ATXN8OS: variants seen among roughly 807,000 people sequenced by gnomAD.
ATXN8OS encodes the protein ATXN8 opposite strand (non-protein coding).
intron 3 of ATXN8OS, among the ~76,000 whole-genome samples, chr13:70,143,894 T>C (rs749552234): frequency 2.6e-5 from 4 of 152,178 alleles, no homozygotes; most frequent in Non-Finnish European, 5.9e-5. Context: ...TAAAATGATT[T>C]AATGATATAT....
chr13:70,136,141 T>C (rs1888610407), intron 3 of ATXN8OS, among the ~76,000 whole-genome samples: 1 of 152,182 alleles, frequency 6.6e-6, no homozygotes, highest in South Asian at 2.1e-4. Context: ...GCAAGTCTGA[T>C]CAGTTGTTTG....
At chr13:70,169,805 T>C (rs1429905454) in exon 5 of ATXN8OS, among the ~76,000 whole-genome samples, 3 of 152,118 alleles carry the variant, frequency 2.0e-5, no homozygotes, top group African/African-American at 7.2e-5. Context: ...CTACAGTCAC[T>C]GGCTGGCTAA....
chr13:70,163,106 A>C (rs2137505903), intron 4 of ATXN8OS, among the ~76,000 whole-genome samples: 1 of 152,238 alleles, frequency 6.6e-6, no homozygotes, highest in African/African-American at 2.4e-5. Flanking sequence ...ATCAATAATT[A>C]TAATAACAAT....
chr13:70,160,264 TC>T, intron 4 of ATXN8OS, among the ~76,000 whole-genome samples: 1 of 151,746 alleles, frequency 6.6e-6, no homozygotes, highest in East Asian at 1.9e-4. Flanking sequence ...TATTTGCAGC[TC>T]ATTGTTACCC....
intron 3 of ATXN8OS, among the ~76,000 whole-genome samples, chr13:70,137,251 T>G (rs1888631257): frequency 6.6e-6 from 1 of 152,210 alleles, no homozygotes; most frequent in Non-Finnish European, 1.5e-5. Context: ...ATTAAGATGT[T>G]TAGCAGCTTT....
chr13:70,161,582 A>G (rs1287840690), intron 4 of ATXN8OS, among the ~76,000 whole-genome samples: 1 of 152,004 alleles, frequency 6.6e-6, no homozygotes, highest in Non-Finnish European at 1.5e-5. Context: ...TTGTTCCTTA[A>G]CCCTGCTTTA....
At chr13:70,153,853 T>C (rs1888904440) in intron 4 of ATXN8OS, among the ~76,000 whole-genome samples, 1 of 151,852 alleles carries the variant, frequency 6.6e-6, no homozygotes, top group Admixed American at 6.6e-5. Context: ...CCAATTTTTT[T>C]TCTTTCTATT....
chr13:70,157,897 C>A (rs1428480210), intron 4 of ATXN8OS, among the ~76,000 whole-genome samples: 1 of 152,048 alleles, frequency 6.6e-6, no homozygotes, highest in East Asian at 1.9e-4. Flanking sequence ...AGTATGGGTG[C>A]AAACTATCCA....
chr13:70,129,421 G>A (rs370047708), intron 2 of ATXN8OS, among the ~76,000 whole-genome samples: 4 of 150,782 alleles, frequency 2.7e-5, no homozygotes, highest in African/African-American at 4.9e-5. Context: ...TTCACTAATC[G>A]AAGAAGCTTG....
chr13:70,130,886 C>G, intron 3 of ATXN8OS: 1 of 398,368 alleles, frequency 2.5e-6, no homozygotes. Context: ...GAAGGTCCAT[C>G]CCAAACCAGA....
At chr13:70,169,198 T>C (rs1889114421) in intron 4 of ATXN8OS, among the ~76,000 whole-genome samples, 1 of 152,142 alleles carries the variant, frequency 6.6e-6, no homozygotes, top group Non-Finnish European at 1.5e-5. Flanking sequence ...TTAAAAATGT[T>C]TTAGAAAGTG....
chr13:70,131,069 G>T (rs1010486570), intron 3 of ATXN8OS: 1 of 398,334 alleles, frequency 2.5e-6, no homozygotes, highest in Non-Finnish European at 4.4e-6. Context: ...GACCAATTTT[G>T]TCTTATCTCT....
rs866707273 is a variant in ATXN8OS, at chr13:70,169,453, C to A, written n.574-300C>A. On this transcript the variant is annotated intron_variant and non_coding_transcript_variant, in intron 4 of 4. Coordinates refer to ENST00000678624, the Ensembl canonical transcript of ATXN8OS. ...CTTGGATTACAGGCTCCTGCCACCG[C>A]CCCCAGTAATTTTTGTATTTTTTGT... is the stretch of plus-strand genomic sequence containing the variant. Among the ~76,000 whole-genome samples, 27 of 152,054 alleles carry A rather than the reference C, an allele frequency of 1.8e-4. 1 individual carries two copies. Among genetic ancestry groups the A allele is most frequent in the Middle Eastern group, 3.4e-3 (1 of 294 alleles).
At chr13:70,126,622 T>C (rs1364265294) in intron 2 of ATXN8OS, among the ~76,000 whole-genome samples, 1 of 151,602 alleles carries the variant, frequency 6.6e-6, no homozygotes, top group Non-Finnish European at 1.5e-5. Flanking sequence ...TATATATATA[T>C]GAAATCTTAC....
At chr13:70,132,160 C>G (rs1035736713) in intron 3 of ATXN8OS, among the ~76,000 whole-genome samples, 1 of 151,974 alleles carries the variant, frequency 6.6e-6, no homozygotes, top group African/African-American at 2.4e-5. Context: ...TTATTTTACT[C>G]TTTGAAAATA....
rs190494996 is a variant in ATXN8OS, at chr13:70,159,748, T to C, written n.574-10005T>C. On this transcript the variant is annotated intron_variant and non_coding_transcript_variant, in intron 4 of 4. Transcript: ENST00000678624. ...CAACAACTAACCTGTTCTTCTTTCCTGTAGTTTTACCTTTTCCAGAATATC... is the reference window on the plus strand; with the variant it reads ...CAACAACTAACCTGTTCTTCTTTCCCGTAGTTTTACCTTTTCCAGAATATC... Among the ~76,000 whole-genome samples, 70 of 152,334 alleles carry C rather than the reference T, an allele frequency of 4.6e-4. 2 individuals carry two copies. The East Asian group carries it at 0.012, about 26-fold the overall frequency.
chr13:70,148,381 G>GA (rs1443804924), intron 4 of ATXN8OS, among the ~76,000 whole-genome samples: 5 of 152,004 alleles, frequency 3.3e-5, no homozygotes, highest in Non-Finnish European at 7.4e-5. Context: ...TTAATACAAC[G>GA]AATCTCTTCT....
chr13:70,168,099 T>C (rs1234450170), intron 4 of ATXN8OS, among the ~76,000 whole-genome samples: 1 of 152,098 alleles, frequency 6.6e-6, no homozygotes, highest in Admixed American at 6.6e-5. Flanking sequence ...TTCCATATAC[T>C]TTTTTTGTTC....
At chr13:70,137,222 G>T (rs755117411) in intron 3 of ATXN8OS, among the ~76,000 whole-genome samples, 1 of 152,062 alleles carries the variant, frequency 6.6e-6, no homozygotes, top group African/African-American at 2.4e-5. Context: ...AAAATTCAGC[G>T]GAATCGCTCC....
Sources: gnomAD v4.1 joint callset for allele counts (sites outside exome capture counted in the v4.1 genomes callset) on GRCh38, gnomAD v4.1.1 for gene constraint, MANE v1.5 for transcripts, NCBI Gene and HGNC (gene_info 2026-07-23, HGNC 2026-07-21) for gene names.